CDKAL1: variants seen among roughly 807,000 people sequenced by gnomAD.
The protein encoded by CDKAL1 is CDKAL1 threonylcarbamoyladenosine tRNA methylthiotransferase.
A neutral mutation model predicts 68.2 loss-of-function variants in CDKAL1; 32 were observed. The ratio of observed to expected loss-of-function variants is 0.47; its 90% CI spans 0.35 to 0.63. CDKAL1 has a LOEUF of 0.63. CDKAL1 is among the 30% of genes least tolerant of loss of function. The pLI, the probability that CDKAL1 is intolerant of heterozygous loss-of-function variation, is 0.00. For missense variants in CDKAL1, 606 were observed against 696.7 expected, an observed-to-expected ratio of 0.87 and a Z score of 1.47; for synonymous variants, 234 against 244.3, an observed-to-expected ratio of 0.96 and a Z score of 0.39.
chr6:20,998,764 A>G (rs1339910861), intron 10 of CDKAL1, among the ~76,000 whole-genome samples: 4 of 152,250 alleles, frequency 2.6e-5, no homozygotes, highest in African/African-American at 7.2e-5. Flanking sequence ...AACAAGGTTA[A>G]TAAGGTATAT....
intron 8 of CDKAL1, among the ~76,000 whole-genome samples, chr6:20,839,422 C>T (rs1778087495): frequency 6.6e-6 from 1 of 152,078 alleles, no homozygotes; most frequent in South Asian, 2.1e-4. Flanking sequence ...AATCGGTAGC[C>T]TATTTGATGT....
intron 14 of CDKAL1, among the ~76,000 whole-genome samples, chr6:21,200,155 G>A (rs904461508): frequency 2.6e-5 from 4 of 152,232 alleles, no homozygotes; most frequent in African/African-American, 9.6e-5. Context: ...TGCTAAAATA[G>A]AAGTGTAAGG....
chr6:20,692,343 T>G (rs1770907671), intron 5 of CDKAL1, among the ~76,000 whole-genome samples: 1 of 152,236 alleles, frequency 6.6e-6, no homozygotes, highest in African/African-American at 2.4e-5. Flanking sequence ...ATAACTGTTT[T>G]AGTCAGCTTT....
chr6:20,684,115 C>G (rs1025353330), intron 5 of CDKAL1, among the ~76,000 whole-genome samples: 5 of 152,138 alleles, frequency 3.3e-5, no homozygotes, highest in Admixed American at 1.3e-4. Flanking sequence ...TGAAGGACAT[C>G]TTGGTTGTTT....
At chr6:20,833,238 G>C (rs144026425) in intron 8 of CDKAL1, among the ~76,000 whole-genome samples, 1 of 152,156 alleles carries the variant, frequency 6.6e-6, no homozygotes, top group Non-Finnish European at 1.5e-5. Context: ...TACTGACTGC[G>C]TGAGAGAAGA....
chr6:20,779,894 C>T (rs78201678), intron 7 of CDKAL1, among the ~76,000 whole-genome samples: 136 of 151,904 alleles, frequency 9.0e-4, no homozygotes, highest in African/African-American at 3.1e-3. Flanking sequence ...ATCATTGACT[C>T]TTACTCTCAT....
Position 21,066,109 on chromosome 6 carries a change from T to C in CDKAL1, c.1236+881T>C, listed in dbSNP as rs149283834. On this transcript the variant is annotated intron_variant, in intron 12 of 15. Coordinates refer to ENST00000274695, the MANE Select transcript of CDKAL1 (RefSeq NM_017774.3). Reference sequence around the variant, plus strand: ...AATAATCCAGAGCTTGTTACTGTTTTTCTGTTATAGCGTAAGTGAATATCA... The same window carrying C: ...AATAATCCAGAGCTTGTTACTGTTTCTCTGTTATAGCGTAAGTGAATATCA... Among the ~76,000 whole-genome samples, 312 of 152,244 alleles carry C rather than the reference T, an allele frequency of 2.0e-3. 1 individual carries two copies. The highest frequency in any genetic ancestry group is 7.0e-3 in the African/African-American group (291 of 41,570).
rs1302208799 is a variant in CDKAL1 at position 21,003,860 on chromosome 6, T to G, written c.1055+3488T>G. On this transcript the variant is annotated intron_variant, in intron 11 of 15. Transcript: ENST00000274695. ...TGCCTAACGCTCATTCATAAAATGA[T>G]CCTGACTTAAAGTGGTATGTTTGGT... Among the ~76,000 whole-genome samples, 3 of 152,330 alleles carry G rather than the reference T, an allele frequency of 2.0e-5. No individual in the cohort carries two copies. The East Asian group carries it at 5.8e-4, about 29-fold the overall frequency.
At chr6:20,954,960 T>TA (rs1352028155) in intron 9 of CDKAL1, among the ~76,000 whole-genome samples, 4 of 152,094 alleles carry the variant, frequency 2.6e-5, no homozygotes, top group Non-Finnish European at 5.9e-5. Flanking sequence ...TAATTAATAA[T>TA]ATGTGAGCTA....
chr6:21,212,276 T>C (rs539302094), intron 15 of CDKAL1, among the ~76,000 whole-genome samples: 83 of 152,150 alleles, frequency 5.5e-4, no homozygotes, highest in Admixed American at 1.0e-3. Context: ...ACCTACATGA[T>C]AGGTTGAAAT....
At chr6:20,756,999 T>C (rs1233238840) in intron 6 of CDKAL1, among the ~76,000 whole-genome samples, 1 of 150,976 alleles carries the variant, frequency 6.6e-6, no homozygotes, top group Non-Finnish European at 1.5e-5. Flanking sequence ...AGTGGTGTGA[T>C]CTCAGCTCAC....
At position 20,596,423 on chromosome 6, in the gene CDKAL1, C is replaced by T. The variant is rs1371982348; in HGVS notation, c.286+47718C>T. ...CGGCTTTGCCGAGCTGTGGTGGGCTCTGCCCAGTTCAAACTTCCTGGCAGT... is the reference window on the plus strand; with the variant it reads ...CGGCTTTGCCGAGCTGTGGTGGGCTTTGCCCAGTTCAAACTTCCTGGCAGT... On this transcript the variant is annotated intron_variant, in intron 4 of 15. Coordinates refer to ENST00000274695, the MANE Select transcript of CDKAL1 (RefSeq NM_017774.3). Among the ~76,000 whole-genome samples, 13 of 152,332 alleles carry T rather than the reference C, an allele frequency of 8.5e-5. No homozygotes were observed. In the East Asian group the frequency reaches 1.7e-3, roughly 20 times the overall value.
chr6:20,644,543 G>A (rs900498643), intron 4 of CDKAL1, among the ~76,000 whole-genome samples: 6 of 152,160 alleles, frequency 3.9e-5, no homozygotes, highest in African/African-American at 1.4e-4. Context: ...AGCCGGGTGT[G>A]ATGGCGGGTG....
At chr6:21,069,804 T>TTTTTTTTTTA (rs60342057) in intron 12 of CDKAL1, among the ~76,000 whole-genome samples, 2 of 85,476 alleles carry the variant, frequency 2.3e-5, no homozygotes, top group Non-Finnish European at 4.5e-5. Context: ...TTTTTTTTTT[T>TTTTTTTTTTA]AAAACAGAGC....
At chr6:20,612,124 G>A (rs1269178479) in intron 4 of CDKAL1, among the ~76,000 whole-genome samples, 1 of 152,084 alleles carries the variant, frequency 6.6e-6, no homozygotes, top group East Asian at 1.9e-4. Flanking sequence ...TTGTATATAT[G>A]TACCACATTT....
intron 9 of CDKAL1, among the ~76,000 whole-genome samples, chr6:20,891,536 AT>A (rs5874791): frequency 0.49 from 62,263 of 126,786 alleles, 14,823 homozygotes; most frequent in East Asian, 0.65. Flanking sequence ...TTTTTTCTGT[AT>A]TTTTTTTTTT....
chr6:20,842,279 T>C (rs1778202718), intron 8 of CDKAL1, among the ~76,000 whole-genome samples: 1 of 152,196 alleles, frequency 6.6e-6, no homozygotes, highest in South Asian at 2.1e-4. Flanking sequence ...ATAACAAATC[T>C]CTTCTTTTTA....
chr6:20,605,649 GT>G (rs1004168669), intron 4 of CDKAL1, among the ~76,000 whole-genome samples: 3 of 152,250 alleles, frequency 2.0e-5, no homozygotes, highest in African/African-American at 7.2e-5. Flanking sequence ...GGTTGGTTCT[GT>G]TCAGCATGAC....
intron 8 of CDKAL1, among the ~76,000 whole-genome samples, chr6:20,827,566 T>G (rs1777548860): frequency 6.6e-6 from 1 of 152,158 alleles, no homozygotes; most frequent in Non-Finnish European, 1.5e-5. Flanking sequence ...AGCTAAACAC[T>G]TTTCATTATC....
Sources: allele counts gnomAD v4.1 joint callset (sites outside exome capture counted in the v4.1 genomes callset), GRCh38; gene constraint gnomAD v4.1.1; transcripts MANE v1.5; gene names NCBI Gene and HGNC (gene_info 2026-07-23, HGNC 2026-07-21).